AHI1: variants seen among roughly 807,000 people sequenced by gnomAD.
AHI1 encodes Abelson helper integration site 1.
Under a neutral mutation model 149.3 loss-of-function variants are expected in AHI1, and 123 were observed. The observed-to-expected ratio is 0.82, with a 90% CI of 0.71 to 0.96. AHI1 has a LOEUF of 0.96. Ranked by LOEUF, AHI1 falls within the 40% of genes least tolerant of loss-of-function variation. The pLI, the probability that AHI1 is intolerant of heterozygous loss-of-function variation, is 0.00. For missense variants in AHI1, 1,439 were observed against 1,422.7 expected (o/e 1.01, Z -0.18); for synonymous variants, 475 against 459.8 (o/e 1.03, Z -0.42).
intron 23 of AHI1, 131 bp from the exon 24 acceptor site, chr6:135,358,318 G>C: frequency 1.3e-6 from 1 of 777,416 alleles, no homozygotes; most frequent in South Asian, 1.7e-5. Flanking sequence ...GTCTCACTTG[G>C]AAGGCAAGAT....
In AHI1 at chr6:135,285,405, A is replaced by T; in HGVS notation, c.*240T>A. ...TGATGCAATTACTAACAATATAAGT[A>T]CCAATACTTTGACCAACAATAGTCA... On this transcript the variant is annotated 3_prime_UTR_variant, in exon 29 of 29. Transcript: ENST00000265602. The T allele has an allele frequency of 1.7e-6, 1 of 577,340 alleles. No individual in the cohort carries two copies. The highest frequency in any genetic ancestry group is 3.1e-6 in the Non-Finnish European group (1 of 324,400). The allele number at this position is 577,340 out of a possible 1,614,324, so 35.8% of individuals were successfully genotyped here. A position where few individuals can be genotyped will look rare whatever the true frequency, so the allele number is the denominator to read the frequency against.
chr6:135,434,302 T>C (rs1236847427), intron 15 of AHI1, among the ~76,000 whole-genome samples: 9 of 151,852 alleles, frequency 5.9e-5, no homozygotes, highest in African/African-American at 1.9e-4. Flanking sequence ...AAACTAATAA[T>C]AGAGGAAGTG....
At chr6:135,352,737 A>T (rs544467831) in intron 24 of AHI1, among the ~76,000 whole-genome samples, 393 of 147,132 alleles carry the variant, frequency 2.7e-3, no homozygotes, top group South Asian at 8.1e-3. Context: ...ACACACACAC[A>T]ATATATATAC....
At chr6:135,469,085 G>A (rs1043593505) in intron 5 of AHI1, among the ~76,000 whole-genome samples, 12 of 152,192 alleles carry the variant, frequency 7.9e-5, no homozygotes, top group African/African-American at 2.9e-4. Flanking sequence ...CAATATCCCT[G>A]ACGAACACTG....
At chr6:135,310,665 G>T (rs1483182776) in intron 26 of AHI1, among the ~76,000 whole-genome samples, 1 of 152,116 alleles carries the variant, frequency 6.6e-6, no homozygotes, top group African/African-American at 2.4e-5. Flanking sequence ...TAATTATCTT[G>T]AATAGCAAAA....
chr6:135,333,482 A>G (rs2128400791), intron 24 of AHI1, among the ~76,000 whole-genome samples: 1 of 152,330 alleles, frequency 6.6e-6, no homozygotes, highest in African/African-American at 2.4e-5. Context: ...AAAAGAAATC[A>G]AGGTCCTATT....
chr6:135,304,328 T>C (rs377025316), intron 26 of AHI1, among the ~76,000 whole-genome samples: 2 of 152,206 alleles, frequency 1.3e-5, no homozygotes, highest in African/African-American at 4.8e-5. Context: ...GCTAGAATTA[T>C]GGGCATGAGC....
intron 23 of AHI1, among the ~76,000 whole-genome samples, chr6:135,371,500 C>T (rs1582877247): frequency 6.6e-6 from 1 of 152,168 alleles, no homozygotes; most frequent in African/African-American, 2.4e-5. Flanking sequence ...TATCATTAAT[C>T]TTTTCCCGGG....
chr6:135,311,855 G>A (rs1237364269), intron 26 of AHI1, among the ~76,000 whole-genome samples: 1 of 152,130 alleles, frequency 6.6e-6, no homozygotes, highest in African/African-American at 2.4e-5. Context: ...ACTCCCCTGT[G>A]GTATAAGTTG....
intron 20 of AHI1, among the ~76,000 whole-genome samples, chr6:135,426,783 T>C (rs1783975269): frequency 6.6e-6 from 1 of 151,638 alleles, no homozygotes; most frequent in African/African-American, 2.4e-5. Context: ...TAATTCCAGG[T>C]GATGTTTTCA....
chr6:135,346,398 CAG>C (rs1791226722), intron 24 of AHI1, among the ~76,000 whole-genome samples: 1 of 151,840 alleles, frequency 6.6e-6, no homozygotes, highest in African/African-American at 2.4e-5. Flanking sequence ...GACGGGGTCT[CAG>C]TGTGTTAGCC....
intron 20 of AHI1, among the ~76,000 whole-genome samples, chr6:135,419,372 T>C (rs570819520): frequency 3.9e-5 from 6 of 152,112 alleles, no homozygotes; most frequent in Non-Finnish European, 8.8e-5. Flanking sequence ...ATACATACCC[T>C]GCTACAGAGA....
At position 135,451,369 on chromosome 6, in the gene AHI1, TTCA is replaced by T. The variant is rs1193722001; in HGVS notation, c.1440+1969_1440+1971del. On this transcript the variant is annotated intron_variant, in intron 11 of 28. Transcript: ENST00000265602. The stretch of plus-strand genomic sequence containing the variant: ...CAATGATTAATTCCCTCAATATATA[TTCA>T]CCAAACACTTTCTATGTGACATTAA... 9.2e-5 allele frequency among the ~76,000 whole-genome samples: 14 copies of T among 152,246 alleles called. No homozygotes were observed. In the East Asian group the frequency reaches 2.7e-3, roughly 29 times the overall value.
At chr6:135,340,654 CATACATATATATATATATATATATAT>C (rs1361249821) in intron 24 of AHI1, among the ~76,000 whole-genome samples, 668 of 58,606 alleles carry the variant, frequency 0.011, 20 homozygotes, top group South Asian at 0.022. Flanking sequence ...TATATACATA[CATACATATATATATATATATATATAT>C]ATATATATAT....
intron 20 of AHI1, among the ~76,000 whole-genome samples, chr6:135,420,597 T>C (rs1783009440): frequency 6.6e-6 from 1 of 152,156 alleles, no homozygotes; most frequent in African/African-American, 2.4e-5. Context: ...TTAAACCTCA[T>C]GAATGAGCCG....
intron 6 of AHI1, 29 bp downstream of exon 6, chr6:135,467,552 T>C (rs763439651): frequency 3.2e-6 from 5 of 1,575,726 alleles, no homozygotes; most frequent in Non-Finnish European, 4.4e-6. Flanking sequence ...CATGCTCTTC[T>C]TCAGGCTGTT....
At position 135,444,590 on chromosome 6, in the gene AHI1, C is replaced by T. The variant is rs536971664; in HGVS notation, c.1780-1876G>A. ...TCCACTGTTGAATGAGCCCTTCTTC[C>T]ACCATTGTAGTTCAGTCTTCATATC... On this transcript the variant is annotated intron_variant, in intron 13 of 28. Coordinates refer to ENST00000265602, the MANE Select transcript of AHI1 (RefSeq NM_001134831.2). Among the ~76,000 whole-genome samples the T allele has an allele frequency of 3.3e-5, 5 of 152,306 alleles. No homozygotes were observed. In the East Asian group the frequency reaches 9.6e-4, roughly 29 times the overall value.
intron 7 of AHI1, among the ~76,000 whole-genome samples, chr6:135,463,845 A>G (rs1790317347): frequency 6.6e-6 from 1 of 151,832 alleles, no homozygotes; most frequent in African/African-American, 2.4e-5. Flanking sequence ...TCAACCTCCC[A>G]GGCTCCAGCA....
In AHI1 at chr6:135,479,381, T is replaced by A. The variant is rs558527125; in HGVS notation, c.135+11242A>T. ...AGAGCTGCCCAAGGCCTTGGGAGCCTACCCCTTGTGTCAGGGTCGTCTAGA... is the reference window on the plus strand; with the variant it reads ...AGAGCTGCCCAAGGCCTTGGGAGCCAACCCCTTGTGTCAGGGTCGTCTAGA... On this transcript the variant is annotated intron_variant, in intron 5 of 28. Transcript: ENST00000265602. Among the ~76,000 whole-genome samples, 38 of 152,280 alleles carry A rather than the reference T, an allele frequency of 2.5e-4. No homozygotes were observed. The South Asian group carries it at 7.5e-3, about 30-fold the overall frequency.
Sources: gnomAD v4.1 joint callset for allele counts (sites outside exome capture counted in the v4.1 genomes callset) on GRCh38, gnomAD v4.1.1 for gene constraint, MANE v1.5 for transcripts, NCBI Gene and HGNC (gene_info 2026-07-23, HGNC 2026-07-21) for gene names.